Variants in MAPKAPK5 observed in about 807,000 individuals in gnomAD.
MAPKAPK5 encodes the protein MAP kinase-activated protein kinase 5.
Under a neutral mutation model 65.1 loss-of-function variants are expected in MAPKAPK5, and 30 were observed. The ratio of observed to expected loss-of-function variants is 0.46; its 90% CI spans 0.34 to 0.63. MAPKAPK5 has a LOEUF of 0.63. Ranked by LOEUF, MAPKAPK5 falls within the 20% of genes least tolerant of loss-of-function variation. The pLI is 0.01. For missense variants in MAPKAPK5, 433 were observed against 581.4 expected, an observed-to-expected ratio of 0.74 and a Z score of 2.63; for synonymous variants, 179 against 204.6, an observed-to-expected ratio of 0.87 and a Z score of 1.07.
chr12:111,878,482 G>A (rs1307063994), intron 7 of MAPKAPK5, among the ~76,000 whole-genome samples: 1 of 151,768 alleles, frequency 6.6e-6, no homozygotes, highest in South Asian at 2.1e-4. Context: ...GTGCAGTGGC[G>A]GATCTCAGCT....
chr12:111,888,511 G>A lies in MAPKAPK5; in HGVS notation c.993G>A (p.Gln331=), dbSNP rs1415775099. 19 of 1,613,854 alleles carry A rather than the reference G, an allele frequency of 1.2e-5. No individual in the cohort carries two copies. Among genetic ancestry groups the A allele is most frequent in the Non-Finnish European group, 1.5e-5 (18 of 1,179,888 alleles). The change falls in exon 11 of 14, where the codon CAG becomes CAA. Residue 331 remains glutamine (Q), a synonymous_variant. Coordinates refer to ENST00000550735, the MANE Select transcript of MAPKAPK5 (RefSeq NM_003668.4). ...AGGCAGTGGTTGCAGGAATCCAGCA[G>A]GCTCACGCGGAACAGTTGGCCAACA... ...MDKAVVAGIQ[Q]AHAEQLANMR...
intron 1 of MAPKAPK5, among the ~76,000 whole-genome samples, chr12:111,847,406 A>G (rs1232385198): frequency 6.6e-6 from 1 of 151,678 alleles, no homozygotes; most frequent in Non-Finnish European, 1.5e-5. Context: ...TCTATCTTCT[A>G]TTCCCTGTAT....
chr12:111,866,072 A>T (rs2069597736), intron 2 of MAPKAPK5, 84 bp from the exon 3 acceptor site: 1 of 1,128,810 alleles, frequency 8.9e-7, no homozygotes, highest in African/African-American at 1.6e-5. Flanking sequence ...GATGAGAAGT[A>T]CAAATCTCAA....
chr12:111,889,747 C>A, intron 12 of MAPKAPK5: 1 of 263,434 alleles, frequency 3.8e-6, no homozygotes, highest in Non-Finnish European at 7.4e-6. Context: ...TTTGGTTGAC[C>A]AGGTGTCTTT....
intron 7 of MAPKAPK5, among the ~76,000 whole-genome samples, chr12:111,873,236 G>A (rs1423455946): frequency 6.6e-6 from 1 of 151,794 alleles, no homozygotes; most frequent in East Asian, 1.9e-4. Context: ...CCCCCTTAAG[G>A]GTGTCAAGTT....
At chr12:111,861,659 C>T (rs963482243) in intron 1 of MAPKAPK5, among the ~76,000 whole-genome samples, 1 of 151,988 alleles carries the variant, frequency 6.6e-6, no homozygotes, top group East Asian at 1.9e-4. Context: ...TCTTCTCAGG[C>T]GATTGTGATG....
Position 111,870,307 on chromosome 12 carries a change from A to G in MAPKAPK5, c.430A>G (p.Ile144Val), listed in dbSNP as rs199721843. 13 of 1,611,042 alleles carry G rather than the reference A, an allele frequency of 8.1e-6. No homozygotes were observed. The Admixed American group carries it at 8.3e-5, about 10-fold the overall frequency. The change falls in exon 6 of 14, where the codon ATT (isoleucine) becomes GTT (valine). Residue 144 changes from isoleucine (I) to valine (V), a missense_variant. Transcript: ENST00000550735. ...TCTGCGGCACTGTCACTTGTTAAAC[A>G]TTGCGCACAGAGACCTCAAGCCTGA... Reference protein sequence around the residue: ...LALRHCHLLNIAHRDLKPENL... With the variant: ...LALRHCHLLNVAHRDLKPENL...
intron 1 of MAPKAPK5, among the ~76,000 whole-genome samples, chr12:111,863,547 C>A (rs1351086990): frequency 6.6e-6 from 1 of 151,650 alleles, no homozygotes; most frequent in African/African-American, 2.4e-5. Context: ...GATTCTTGTG[C>A]TACATAGTCT....
chr12:111,849,134 T>C (rs10849979), intron 1 of MAPKAPK5, among the ~76,000 whole-genome samples: 69,176 of 151,794 alleles, frequency 0.46, 20,034 homozygotes, highest in East Asian at 0.9. Flanking sequence ...TTTTTAGAGA[T>C]GGGGTCTCAC....
intron 10 of MAPKAPK5, 98 bp downstream of exon 10, chr12:111,886,134 G>A: frequency 2.6e-6 from 4 of 1,509,638 alleles, no homozygotes; most frequent in African/African-American, 1.4e-5. Flanking sequence ...ACAGTGCAGA[G>A]TACACGATCC....
intron 13 of MAPKAPK5, among the ~76,000 whole-genome samples, chr12:111,890,709 G>A (rs1357680727): frequency 6.6e-6 from 1 of 152,182 alleles, no homozygotes; most frequent in Admixed American, 6.5e-5. Context: ...TCAGGCTGGA[G>A]TGCAGTGGCG....
chr12:111,871,293 T>C, intron 7 of MAPKAPK5, 113 bp downstream of exon 7: 1 of 801,180 alleles, frequency 1.2e-6, no homozygotes, highest in Non-Finnish European at 2.0e-6. Flanking sequence ...GGGGGAGAAC[T>C]TAGCTTTAGA....
chr12:111,871,973 A>G (rs1000628417), intron 7 of MAPKAPK5, among the ~76,000 whole-genome samples: 2 of 152,130 alleles, frequency 1.3e-5, no homozygotes, highest in African/African-American at 2.4e-5. Context: ...TTTGCTTAGC[A>G]TGTTTTTGAG....
chr12:111,878,327 T>C (rs978696472), intron 7 of MAPKAPK5, among the ~76,000 whole-genome samples: 1 of 152,106 alleles, frequency 6.6e-6, no homozygotes, highest in Non-Finnish European at 1.5e-5. Flanking sequence ...TTTTATATAA[T>C]GCATGAGGTA....
chr12:111,871,255 C>T (rs1267953637), intron 7 of MAPKAPK5, 75 bp downstream of exon 7: 16 of 1,182,548 alleles, frequency 1.4e-5, no homozygotes, highest in Non-Finnish European at 2.0e-5. Flanking sequence ...TATTCTACAG[C>T]ACAAGTAGGC....
chr12:111,868,222 A>G (rs2069672482), intron 4 of MAPKAPK5, among the ~76,000 whole-genome samples: 1 of 152,238 alleles, frequency 6.6e-6, no homozygotes, highest in Non-Finnish European at 1.5e-5. Context: ...TCAAAATTAA[A>G]TAAGGTATGG....
Position 111,901,402 on chromosome 12 carries a change from C to G in MAPKAPK5, c.*8341C>G. 2.2e-6 allele frequency: 1 copy of G among 455,968 alleles called. No individual in the cohort carries two copies. The highest frequency in any genetic ancestry group is 4.4e-6 in the Non-Finnish European group (1 of 226,788). 28.2% of individuals were successfully genotyped at this position (455,968 alleles called of 1,614,324 possible). A position where few individuals can be genotyped will look rare whatever the true frequency, so the allele number is the denominator to read the frequency against. The stretch of plus-strand genomic sequence containing the variant: ...CCTCCTGGTAAGCTAGGTGGGACAC[C>G]TTCAGGAGAAGGTGAAAATCACAAT... On this transcript the variant is annotated 3_prime_UTR_variant, in exon 14 of 14. Coordinates refer to ENST00000550735, the MANE Select transcript of MAPKAPK5 (RefSeq NM_003668.4).
At chr12:111,891,931 A>G (rs185575179) in intron 13 of MAPKAPK5, among the ~76,000 whole-genome samples, 157 of 152,304 alleles carry the variant, frequency 1.0e-3, no homozygotes, top group Non-Finnish European at 1.5e-3. Context: ...CACCTAGATC[A>G]TGTAGTAGAA....
intron 1 of MAPKAPK5, among the ~76,000 whole-genome samples, chr12:111,859,861 C>G (rs1036657154): frequency 2.0e-5 from 3 of 151,804 alleles, no homozygotes; most frequent in Non-Finnish European, 2.9e-5. Context: ...GTTGGTCAGG[C>G]TGGTCTCGAA....
Sources: allele counts gnomAD v4.1 joint callset (sites outside exome capture counted in the v4.1 genomes callset), GRCh38; gene constraint gnomAD v4.1.1; transcripts MANE v1.5; gene names NCBI Gene and HGNC (gene_info 2026-07-23, HGNC 2026-07-21).